RAPGEF4: variants seen among roughly 807,000 people sequenced by gnomAD.
RAPGEF4 encodes the protein Rap guanine nucleotide exchange factor 4, also known as RAP guanine-nucleotide-exchange factor (GEF) 4.
Under a neutral mutation model 147.9 loss-of-function variants are expected in RAPGEF4, and 66 were observed. That is an observed-to-expected ratio of 0.45 (90% CI 0.37 to 0.55). The LOEUF is 0.55. Among genes scored for constraint, RAPGEF4 ranks in the 20% least tolerant of loss-of-function variants. The pLI is 0.00. For missense variants in RAPGEF4, 1,071 were observed against 1,257.3 expected (o/e 0.85, Z 2.24); for synonymous variants, 419 against 442.7 (o/e 0.95, Z 0.67).
intron 29 of RAPGEF4, among the ~76,000 whole-genome samples, chr2:173,040,839 AAAT>A (rs1339273224): frequency 2.0e-5 from 3 of 152,190 alleles, no homozygotes; most frequent in Non-Finnish European, 2.9e-5. Flanking sequence ...ATATTCAAAA[AAAT>A]GTTTGAATAA....
chr2:173,001,445 G>A (rs1575485705), intron 17 of RAPGEF4, 101 bp downstream of exon 17: 2 of 1,464,674 alleles, frequency 1.4e-6, no homozygotes, highest in Non-Finnish European at 1.9e-6. Context: ...TCATGGCCCA[G>A]GCAGAGTTGT....
chr2:172,806,936 G>T (rs180959908), intron 3 of RAPGEF4, among the ~76,000 whole-genome samples: 1 of 152,082 alleles, frequency 6.6e-6, no homozygotes, highest in East Asian at 1.9e-4. Context: ...GTTGTAATGC[G>T]GATCTCTCTA....
rs926764976 is a variant in RAPGEF4, at chr2:173,035,511, CAAAAAAA to C, written c.2701-603_2701-597del. 3.4e-3 allele frequency among the ~76,000 whole-genome samples: 224 copies of C among 65,484 alleles called. 2 individuals are homozygous for C. The highest frequency in any genetic ancestry group is 0.012 in the African/African-American group (209 of 17,084). 43.0% of individuals were successfully genotyped at this position (65,484 alleles called of 152,430 possible). On this transcript the variant is annotated intron_variant, in intron 27 of 30. Transcript: ENST00000397081. Reference sequence around the variant, plus strand: ...GGGTGACAGAGTGAGACTCTGTCTCCAAAAAAAAAAAAAAAAAGGGATCTCACTTGGG... The same window carrying C: ...GGGTGACAGAGTGAGACTCTGTCTCCAAAAAAAAAAGGGATCTCACTTGGG...
chr2:173,026,259 G>T (rs1696653966), intron 23 of RAPGEF4, among the ~76,000 whole-genome samples: 1 of 152,196 alleles, frequency 6.6e-6, no homozygotes, highest in South Asian at 2.1e-4. Context: ...CCAGGGAAAA[G>T]AAGAGTTTCC....
rs1034641245 is a variant in RAPGEF4, at chr2:172,879,431, C to A, written c.445-38371C>A. On this transcript the variant is annotated intron_variant, in intron 4 of 30. Coordinates refer to ENST00000397081, the MANE Select transcript of RAPGEF4 (RefSeq NM_007023.4). Reference sequence around the variant, plus strand: ...AGTCATGTAATACTATATACCAAACCGTTGACAGTGCAGCAAAGAGAGGAA... The same window carrying A: ...AGTCATGTAATACTATATACCAAACAGTTGACAGTGCAGCAAAGAGAGGAA... Among the ~76,000 whole-genome samples, 2 of 152,078 alleles carry A rather than the reference C, an allele frequency of 1.3e-5. 1 individual carries two copies. Among genetic ancestry groups the A allele is most frequent in the South Asian group, 4.1e-4 (2 of 4,826 alleles).
chr2:172,934,816 T>C (rs1346295099), intron 6 of RAPGEF4, among the ~76,000 whole-genome samples: 1 of 152,000 alleles, frequency 6.6e-6, no homozygotes, highest in Non-Finnish European at 1.5e-5. Context: ...TACAGAATTA[T>C]TAGGTTACTA....
chr2:172,889,683 A>G (rs1243720118), intron 4 of RAPGEF4: 2 of 177,792 alleles, frequency 1.1e-5, no homozygotes, highest in African/African-American at 4.8e-5. Context: ...CTGTGAGAAT[A>G]CAGACACACA....
intron 26 of RAPGEF4, 151 bp from the exon 27 acceptor site, chr2:173,033,763 C>G (rs1435242582): frequency 1.4e-6 from 1 of 716,922 alleles, no homozygotes; most frequent in South Asian, 1.9e-5. Context: ...AGATTATTCT[C>G]AAATGGCAAG....
intron 4 of RAPGEF4, among the ~76,000 whole-genome samples, chr2:172,863,929 A>G (rs1694324670): frequency 6.6e-6 from 1 of 152,224 alleles, no homozygotes; most frequent in Non-Finnish European, 1.5e-5. Flanking sequence ...AGCAATGACT[A>G]TATAAGCAGT....
chr2:172,871,127 T>G (rs1361419813), intron 4 of RAPGEF4, among the ~76,000 whole-genome samples: 2 of 152,214 alleles, frequency 1.3e-5, no homozygotes, highest in Non-Finnish European at 2.9e-5. Flanking sequence ...CTCATAGGGT[T>G]GTTCCATCAT....
chr2:172,908,214 C>T (rs1349671790), intron 4 of RAPGEF4, among the ~76,000 whole-genome samples: 1 of 152,180 alleles, frequency 6.6e-6, no homozygotes, highest in Non-Finnish European at 1.5e-5. Flanking sequence ...AAAATTTATG[C>T]AAATTTAGCT....
At chr2:172,998,472 G>T (rs1176111838) in intron 16 of RAPGEF4, among the ~76,000 whole-genome samples, 1 of 152,198 alleles carries the variant, frequency 6.6e-6, no homozygotes, top group African/African-American at 2.4e-5. Context: ...CCAGCACTTT[G>T]GGGGCCAAGG....
chr2:172,991,396 T>G (rs945705932), intron 15 of RAPGEF4, among the ~76,000 whole-genome samples: 4 of 152,230 alleles, frequency 2.6e-5, no homozygotes, highest in African/African-American at 9.6e-5. Context: ...GTCTATTGAT[T>G]TCAGCCCAGA....
Position 173,052,622 on chromosome 2 carries a change from A to G in RAPGEF4, c.*855A>G, listed in dbSNP as rs1686351332. Reference sequence around the variant, plus strand: ...AACATATTTTCTGGACTTAAATGTTATTACAAATATCTTAATTTTCAGTAA... The same window carrying G: ...AACATATTTTCTGGACTTAAATGTTGTTACAAATATCTTAATTTTCAGTAA... On this transcript the variant is annotated 3_prime_UTR_variant, in exon 31 of 31. Coordinates refer to ENST00000397081, the MANE Select transcript of RAPGEF4 (RefSeq NM_007023.4). 1 of 152,672 alleles carries G rather than the reference A, an allele frequency of 6.5e-6. No individual in the cohort carries two copies. The highest frequency in any genetic ancestry group is 1.5e-5 in the Non-Finnish European group (1 of 68,042). The allele number at this position is 152,672 out of a possible 1,614,324, so 9.5% of individuals were successfully genotyped here.
chr2:172,896,996 T>C (rs1024769088), intron 4 of RAPGEF4, among the ~76,000 whole-genome samples: 9 of 152,114 alleles, frequency 5.9e-5, no homozygotes, highest in Admixed American at 2.6e-4. Context: ...TTGGGCTCCG[T>C]GTGGGTAAAA....
chr2:172,789,110 T>A (rs568722944), intron 1 of RAPGEF4, among the ~76,000 whole-genome samples: 2 of 152,300 alleles, frequency 1.3e-5, no homozygotes, highest in South Asian at 4.2e-4. Context: ...AGGGCAGCTG[T>A]CTTCATCAGT....
At chr2:172,991,224 A>C (rs1443447926) in intron 15 of RAPGEF4, among the ~76,000 whole-genome samples, 3 of 152,204 alleles carry the variant, frequency 2.0e-5, no homozygotes, top group African/African-American at 7.2e-5. Flanking sequence ...GTGAGAGAAC[A>C]ATGGGAATAG....
chr2:173,031,667 G>A (rs1396694867), intron 26 of RAPGEF4, among the ~76,000 whole-genome samples: 1 of 152,164 alleles, frequency 6.6e-6, no homozygotes, highest in Non-Finnish European at 1.5e-5. Flanking sequence ...AAAGTAGGAG[G>A]CTGCTGAAGA....
chr2:172,930,514 C>T (rs767459757), intron 6 of RAPGEF4, among the ~76,000 whole-genome samples: 1 of 152,170 alleles, frequency 6.6e-6, no homozygotes, highest in Non-Finnish European at 1.5e-5. Flanking sequence ...TTCTGTTGTT[C>T]TCTTTGTTTG....
Sources: allele counts gnomAD v4.1 joint callset (sites outside exome capture counted in the v4.1 genomes callset), GRCh38; gene constraint gnomAD v4.1.1; transcripts MANE v1.5; gene names NCBI Gene and HGNC (gene_info 2026-07-23, HGNC 2026-07-21).